Variants in REC114 observed in about 807,000 individuals in gnomAD.
REC114 encodes the protein REC114 meiotic recombination protein, also known as meiotic recombination protein REC114.
Under a neutral mutation model 31.3 loss-of-function variants are expected in REC114, and 27 were observed. That is an observed-to-expected ratio of 0.86 (90% confidence interval 0.64 to 1.19). The LOEUF (loss-of-function observed/expected upper bound fraction) is 1.19. REC114 is among the 50% of genes most tolerant of loss of function. The pLI, the probability that REC114 is intolerant of heterozygous loss-of-function variation, is 0.00. For missense variants in REC114, 344 were observed against 326.9 expected (o/e 1.05, Z -0.40); for synonymous variants, 134 against 127.7 (o/e 1.05, Z -0.33).
At chr15:73,510,372 A>G (rs1203121114) in intron 2 of REC114, among the ~76,000 whole-genome samples, 4 of 152,186 alleles carry the variant, frequency 2.6e-5, no homozygotes, top group Non-Finnish European at 5.9e-5. Context: ...TAGATATACA[A>G]TCATGTCGTC....
In REC114 at chr15:73,550,956, C is replaced by G. The variant is rs373726564; in HGVS notation, c.352C>G (p.Arg118Gly). ...CAAACAGGACAAGAGTCGCCTGTTT[C>G]GAGTACAGTTCAGTGGAGAGTCAAA... ...TTIKDKSRLF[R>G]VQFSGESKEQ... The change falls in exon 4 of 6, where the codon CGA becomes GGA. Residue 118 changes from arginine (R) to glycine (G), a missense_variant. Coordinates refer to ENST00000331090, the MANE Select transcript of REC114 (RefSeq NM_001042367.2). The G allele has an allele frequency of 6.2e-7, 1 of 1,613,812 alleles. No individual in the cohort carries two copies. Among genetic ancestry groups the G allele is most frequent in the Middle Eastern group, 1.7e-4 (1 of 6,056 alleles).
At chr15:73,501,546 G>A (rs1220584170) in intron 2 of REC114, among the ~76,000 whole-genome samples, 2 of 152,162 alleles carry the variant, frequency 1.3e-5, no homozygotes, top group Non-Finnish European at 2.9e-5. Flanking sequence ...CCAGGTTCAA[G>A]AGAGTCTCAT....
chr15:73,530,865 G>T (rs535868478), intron 2 of REC114, among the ~76,000 whole-genome samples: 64 of 151,922 alleles, frequency 4.2e-4, no homozygotes, highest in African/African-American at 1.4e-3. Context: ...AAATCACCTG[G>T]CACCAAAACA....
At chr15:73,485,137 G>T (rs142166913) in intron 2 of REC114, among the ~76,000 whole-genome samples, 1 of 152,268 alleles carries the variant, frequency 6.6e-6, no homozygotes, top group South Asian at 2.1e-4. Context: ...TGTCTCCACT[G>T]CAGTGGCACG....
chr15:73,449,530 T>C (rs535054646), intron 1 of REC114, among the ~76,000 whole-genome samples: 1 of 152,286 alleles, frequency 6.6e-6, no homozygotes, highest in East Asian at 1.9e-4. Context: ...TTGGTGTACC[T>C]GAAAGTGATG....
At chr15:73,536,650 C>A (rs76846437) in intron 2 of REC114, among the ~76,000 whole-genome samples, 2,111 of 152,244 alleles carry the variant, frequency 0.014, 17 homozygotes, top group Non-Finnish European at 0.019. Flanking sequence ...CAAGGCAGAT[C>A]AGTTATTGAA....
intron 2 of REC114, among the ~76,000 whole-genome samples, chr15:73,516,567 G>T (rs1258497550): frequency 6.6e-6 from 1 of 152,166 alleles, no homozygotes; most frequent in Non-Finnish European, 1.5e-5. Flanking sequence ...TTGTATTGAT[G>T]AATGCGGTAC....
intron 3 of REC114, among the ~76,000 whole-genome samples, chr15:73,545,165 T>C (rs1894291970): frequency 6.6e-6 from 1 of 152,226 alleles, no homozygotes; most frequent in Non-Finnish European, 1.5e-5. Flanking sequence ...GTATTAGTTG[T>C]TATAACTTGA....
At chr15:73,488,763 G>A (rs1251602896) in intron 2 of REC114, among the ~76,000 whole-genome samples, 1 of 152,016 alleles carries the variant, frequency 6.6e-6, no homozygotes, top group East Asian at 1.9e-4. Flanking sequence ...TTTCTTTATA[G>A]CCGTCCTCTT....
intron 1 of REC114, among the ~76,000 whole-genome samples, chr15:73,470,157 TCA>T (rs1230855908): frequency 6.6e-6 from 1 of 152,176 alleles, no homozygotes; most frequent in East Asian, 1.9e-4. Flanking sequence ...GGGTTGGGTT[TCA>T]GTCTGTTATC....
At chr15:73,511,396 T>C (rs1223723643) in intron 2 of REC114, among the ~76,000 whole-genome samples, 1 of 152,048 alleles carries the variant, frequency 6.6e-6, no homozygotes, top group Non-Finnish European at 1.5e-5. Context: ...AAAAACCAGC[T>C]CCTGGATTCA....
chr15:73,483,219 T>A (rs1893318850), intron 2 of REC114: 1 of 153,554 alleles, frequency 6.5e-6, no homozygotes, highest in Admixed American at 6.5e-5. Flanking sequence ...GTACTTCTGG[T>A]CAGGCTTTGG....
At chr15:73,524,888 T>C (rs1319234155) in intron 2 of REC114, among the ~76,000 whole-genome samples, 1 of 152,194 alleles carries the variant, frequency 6.6e-6, no homozygotes, top group African/African-American at 2.4e-5. Context: ...CATGAGCCAC[T>C]GTGCCTGGCC....
At chr15:73,483,020 T>A (rs1016350307) in intron 2 of REC114, among the ~76,000 whole-genome samples, 1 of 152,102 alleles carries the variant, frequency 6.6e-6, no homozygotes, top group Non-Finnish European at 1.5e-5. Context: ...TTATTTTCTG[T>A]TTTTTAAAAT....
rs573452249 is a variant in REC114, at chr15:73,551,004, T to G, written c.400T>G (p.Cys134Gly). 1.9e-6 allele frequency: 3 copies of G among 1,613,916 alleles called. No homozygotes were observed. The East Asian group carries it at 6.7e-5, about 36-fold the overall frequency. Reference sequence around the variant, plus strand: ...AAAGGAGCAGGCGCTGGAACACTGCTGCAGTTGTGTTCAGAAGCTGGCACA... The same window carrying G: ...AAAGGAGCAGGCGCTGGAACACTGCGGCAGTTGTGTTCAGAAGCTGGCACA... ...ESKEQALEHC[C>G]SCVQKLAQYI... Residue 134 changes from cysteine (C) to glycine (G), a missense_variant, in exon 4 of 6, where the codon TGC (cysteine) becomes GGC (glycine). Physicochemically the swap from Cys to Gly is radical, Grantham distance 159. Transcript: ENST00000331090.
rs961387922 is a variant in REC114, at chr15:73,461,922, CTTTTTTTTTTTT to C, written c.160-11895_160-11884del. On this transcript the variant is annotated intron_variant, in intron 1 of 5. Coordinates refer to ENST00000331090, the MANE Select transcript of REC114 (RefSeq NM_001042367.2). Reference sequence around the variant, plus strand: ...ACATTTTTCTTTTTCTTTTTCTTTTCTTTTTTTTTTTTTTTTTTTTTTTTTTAAAGACAGAGT... The same window carrying C: ...ACATTTTTCTTTTTCTTTTTCTTTTCTTTTTTTTTTTTTTAAAGACAGAGT... 1.2e-3 allele frequency among the ~76,000 whole-genome samples: 93 copies of C among 78,210 alleles called. 2 individuals carry two copies. The East Asian group carries it at 0.027, about 23-fold the overall frequency. The allele number at this position is 78,210 out of a possible 152,430, so 51.3% of individuals were successfully genotyped here. A position where few individuals can be genotyped will look rare whatever the true frequency, so the allele number is the denominator to read the frequency against.
rs753770449 is a variant in REC114 at position 73,551,112 on chromosome 15, G to A, written c.508G>A (p.Gly170Arg). 2 of 1,612,466 alleles carry A rather than the reference G, an allele frequency of 1.2e-6. No homozygotes were observed. The highest frequency in any genetic ancestry group is 2.7e-5 in the African/African-American group (2 of 75,014). Residue 170 changes from glycine to arginine, a missense_variant, in exon 4 of 6, where the codon GGG becomes AGG. Gly to Arg is a moderately radical substitution (Grantham distance 125, BLOSUM62 -2). Transcript: ENST00000331090. The stretch of plus-strand genomic sequence containing the variant: ...CCCACCCAGGGCAACTGAAAGTCAA[G>A]GGAAGGATTCTGCAAAGAGTGTCCC... ...PGPPRATESQ[G>R]KDSAKSVPRQ...
At chr15:73,530,289 T>C (rs958675425) in intron 2 of REC114, among the ~76,000 whole-genome samples, 3 of 152,358 alleles carry the variant, frequency 2.0e-5, no homozygotes, top group Admixed American at 6.5e-5. Flanking sequence ...AAATTATTTC[T>C]ATCTATCTTA....
intron 2 of REC114, among the ~76,000 whole-genome samples, chr15:73,520,750 G>T (rs1386883034): frequency 6.6e-6 from 1 of 152,086 alleles, no homozygotes; most frequent in Non-Finnish European, 1.5e-5. Context: ...TAGTCCATTT[G>T]TGTTATCAGT....
Sources: allele counts gnomAD v4.1 joint callset (sites outside exome capture counted in the v4.1 genomes callset), GRCh38; gene constraint gnomAD v4.1.1; transcripts MANE v1.5; gene names NCBI Gene and HGNC (gene_info 2026-07-23, HGNC 2026-07-21).